The following XKRX variants were observed in gnomAD, a reference collection of about 807,000 sequenced individuals.
The protein encoded by XKRX is XK-related protein 2.
A neutral mutation model predicts 22.4 loss-of-function variants in XKRX; 11 were observed. The observed-to-expected ratio is 0.49, with a 90% CI of 0.31 to 0.81. The LOEUF (loss-of-function observed/expected upper bound fraction) is 0.81, where lower values mean the gene tolerates loss of function less well. Among genes scored for constraint, XKRX ranks in the 40% least tolerant of loss-of-function variants. The probability of loss-of-function intolerance (pLI) is 0.05; values close to 1 mark genes in which losing one functional copy is unlikely to be tolerated. For missense variants in XKRX, 320 were observed against 336.5 expected, an observed-to-expected ratio of 0.95 and a Z score of 0.38; for synonymous variants, 114 against 132.2, an observed-to-expected ratio of 0.86 and a Z score of 0.94.
chrX:100,934,702 A>T, the XKRX span, among the ~76,000 whole-genome samples: 1 of 112,012 alleles, frequency 8.9e-6, no homozygotes, highest in Non-Finnish European at 1.9e-5. Flanking sequence ...ATTTGCATGA[A>T]TATGTGTTTT....
At chrX:100,949,364 G>GTT in the XKRX span, among the ~76,000 whole-genome samples, 1 of 15,993 alleles carries the variant, frequency 6.3e-5, no homozygotes, top group African/African-American at 1.5e-4. Flanking sequence ...GTTTTTGGTT[G>GTT]TTTTTTTTTT....
the XKRX span, among the ~76,000 whole-genome samples, chrX:100,904,321 C>A: frequency 9.0e-6 from 1 of 111,228 alleles, no homozygotes. Context: ...AAAAAAACAC[C>A]CAGACCTTAC....
At position 100,922,984 on chromosome X, in the gene XKRX, C is replaced by T. The variant is rs747983738; in HGVS notation, c.413G>A (p.Arg138Gln). The change falls in exon 2 of 3, where the codon CGA (arginine) becomes CAA (glutamine). Residue 138 changes from arginine (R) to glutamine (Q), a missense_variant. Transcript: ENST00000372956. ...EQEEPYVSLT[R>Q]KKMLIDGEEV... ...CTCGCCATCTATTAGCATCTTCTTT[C>T]GGGTGAGGCTGACATAGGGCTCCTC... 8.0e-5 allele frequency: 97 copies of T among 1,209,907 alleles called. No homozygotes were observed. Among genetic ancestry groups the T allele is most frequent in the South Asian group, 1.1e-4 (6 of 56,785 alleles).
intron 2 of XKRX, among the ~76,000 whole-genome samples, chrX:100,915,440 T>C (rs1212687689): frequency 1.1e-4 from 12 of 110,486 alleles, no homozygotes; most frequent in African/African-American, 4.0e-4. Context: ...TGTACACTGT[T>C]TGTGGGAACA....
chrX:100,928,395 T>C lies in XKRX; in HGVS notation c.-91A>G. On this transcript the variant is annotated 5_prime_UTR_variant, in exon 1 of 3. The change creates a new upstream start codon in the 5' untranslated region. Transcript: ENST00000372956. ...AACCCTATGGCCGCTACAGTCCAAG[T>C]ATAGGTGAGGAGAGCTCTGTCAAGT... is the stretch of plus-strand genomic sequence containing the variant. 3.5e-6 allele frequency: 4 copies of C among 1,151,905 alleles called. No individual in the cohort carries two copies. Among genetic ancestry groups the C allele is most frequent in the Non-Finnish European group, 4.6e-6 (4 of 869,356 alleles). The allele number at this position is 1,151,905 out of a possible 1,213,427, so 94.9% of individuals were successfully genotyped here. A position where few individuals can be genotyped will look rare whatever the true frequency, so the allele number is the denominator to read the frequency against.
At chrX:100,918,716 G>A (rs1037059951) in intron 2 of XKRX, among the ~76,000 whole-genome samples, 1 of 111,759 alleles carries the variant, frequency 8.9e-6, no homozygotes, top group South Asian at 3.7e-4. Flanking sequence ...ACATTTACAT[G>A]TAAAGGGCTT....
downstream of XKRX, chrX:100,911,600 A>C (rs1424367174): frequency 6.6e-6 from 3 of 456,865 alleles, no homozygotes; most frequent in Non-Finnish European, 1.2e-5. Flanking sequence ...GCAATCATCA[A>C]GAGATTTATT....
the XKRX span, among the ~76,000 whole-genome samples, chrX:100,945,983 G>A: frequency 5.5e-5 from 6 of 109,642 alleles, no homozygotes; most frequent in African/African-American, 2.0e-4. Context: ...TCAGGAGTTC[G>A]AGACCAGCCT....
At position 100,928,697 on chromosome X, in the gene XKRX, T is replaced by G. The variant is rs1021399881; in HGVS notation, c.-393A>C. On this transcript the variant is annotated 5_prime_UTR_variant, in exon 1 of 3. Coordinates refer to ENST00000372956, the MANE Select transcript of XKRX (RefSeq NM_212559.3). ...TCCTTTCGCAGCCCCTCAGGCAGGGTGTAGCCGATCTGTCGGGGGCACCGA... is the reference window on the plus strand; with the variant it reads ...TCCTTTCGCAGCCCCTCAGGCAGGGGGTAGCCGATCTGTCGGGGGCACCGA... 3.8e-6 allele frequency: 3 copies of G among 782,704 alleles called. No homozygotes were observed. The African/African-American group carries it at 6.8e-5, about 18-fold the overall frequency. 64.5% of individuals were successfully genotyped at this position (782,704 alleles called of 1,213,427 possible).
chrX:100,933,475 G>A (rs1302705793), upstream of XKRX, among the ~76,000 whole-genome samples: 1 of 86,354 alleles, frequency 1.2e-5, no homozygotes, highest in East Asian at 3.4e-4. Context: ...GTGAGATTCC[G>A]TCTAAAAAAA....
At chrX:100,945,289 C>CAT in the XKRX span, among the ~76,000 whole-genome samples, 23,674 of 98,283 alleles carry the variant, frequency 0.24, 2,629 homozygotes, top group East Asian at 0.29. Context: ...CACACACACA[C>CAT]AGTTTATTTT....
At chrX:100,926,002 C>A (rs1229972095) in intron 1 of XKRX, among the ~76,000 whole-genome samples, 1 of 111,925 alleles carries the variant, frequency 8.9e-6, no homozygotes, top group South Asian at 3.7e-4. Context: ...GGAAACAATG[C>A]GCCAGGGCTC....
chrX:100,891,426 C>T, the XKRX span, among the ~76,000 whole-genome samples: 3 of 111,368 alleles, frequency 2.7e-5, no homozygotes, highest in South Asian at 1.1e-3. Flanking sequence ...AATTATGTTA[C>T]CCGATTTCAA....
chrX:100,898,990 A>G, the XKRX span, among the ~76,000 whole-genome samples: 1 of 111,216 alleles, frequency 9.0e-6, no homozygotes, highest in African/African-American at 3.3e-5. Context: ...ACAACAATCC[A>G]CAACAAGCAG....
the XKRX span, among the ~76,000 whole-genome samples, chrX:100,935,420 A>G: frequency 2.7e-5 from 3 of 111,644 alleles, no homozygotes; most frequent in Non-Finnish European, 5.6e-5. Flanking sequence ...TGTGCCTTTC[A>G]GTTCTCCCAG....
At chrX:100,909,498 C>T (rs752156253), downstream of XKRX, among the ~76,000 whole-genome samples, 6 of 112,667 alleles carry the variant, frequency 5.3e-5, no homozygotes, top group Non-Finnish European at 1.1e-4. Context: ...CTGTCTCTGA[C>T]ACTAGCTGTG....
At chrX:100,899,655 T>C in the XKRX span, among the ~76,000 whole-genome samples, 1 of 112,674 alleles carries the variant, frequency 8.9e-6, no homozygotes, top group African/African-American at 3.2e-5. Flanking sequence ...TTACAGGTTG[T>C]AACCTGTTGT....
chrX:100,926,361 C>T (rs905493351), intron 1 of XKRX, among the ~76,000 whole-genome samples: 2 of 111,926 alleles, frequency 1.8e-5, no homozygotes, highest in Admixed American at 1.9e-4. Flanking sequence ...ATTGATATCC[C>T]ATATTCTCTC....
the XKRX span, among the ~76,000 whole-genome samples, chrX:100,904,245 A>G: frequency 8.9e-6 from 1 of 111,741 alleles, no homozygotes; most frequent in Non-Finnish European, 1.9e-5. Context: ...TGGTCTTTTC[A>G]ACAAATAATA....
Sources: allele counts gnomAD v4.1 joint callset (sites outside exome capture counted in the v4.1 genomes callset), GRCh38; gene constraint gnomAD v4.1.1; transcripts MANE v1.5; gene names NCBI Gene and HGNC (gene_info 2026-07-23, HGNC 2026-07-21).